The following TJAP1 variants were observed in gnomAD, a reference collection of about 807,000 sequenced individuals.
TJAP1 encodes tight junction associated protein 1, also known as tight junction-associated protein 1.
Under a neutral mutation model 42.0 loss-of-function variants are expected in TJAP1, and 27 were observed. That is an observed-to-expected ratio of 0.64 (90% CI 0.47 to 0.89). The LOEUF (loss-of-function observed/expected upper bound fraction) is 0.89. TJAP1 is among the 40% of genes least tolerant of loss of function. The pLI, the probability that TJAP1 is intolerant of heterozygous loss-of-function variation, is 0.00. For missense variants in TJAP1, 712 were observed against 726.9 expected (o/e 0.98, Z 0.24); for synonymous variants, 257 against 288.4 (o/e 0.89, Z 1.10).
rs781753141 is a variant in TJAP1, at chr6:43,501,488, C to T, written c.129-38C>T. 3.1e-6 allele frequency: 5 copies of T among 1,591,174 alleles called. No individual in the cohort carries two copies. In the Admixed American group the frequency reaches 8.7e-5, roughly 28 times the overall value. On this transcript the variant is annotated intron_variant, in intron 5 of 10. Coordinates refer to ENST00000372449, the Ensembl canonical transcript of TJAP1. Reference sequence around the variant, plus strand: ...CTCCAGGGCATGCCCTTCTATCTCTCATACCCCTCTGCCCTTGATCCCACA... The same window carrying T: ...CTCCAGGGCATGCCCTTCTATCTCTTATACCCCTCTGCCCTTGATCCCACA...
At position 43,481,699 on chromosome 6, in the gene TJAP1, G is replaced by A. The variant is rs116712856; in HGVS notation, c.-122+3467G>A. ...GTTGTTTGAAGAAGGCCCTGGCAGC[G>A]GTGCTCAGTCTCTCCCTTTAGCCAG... On this transcript the variant is annotated intron_variant, in intron 2 of 10. Transcript: ENST00000372449. Among the ~76,000 whole-genome samples, 742 of 152,212 alleles carry A rather than the reference G, an allele frequency of 4.9e-3. 5 individuals carry two copies. Among genetic ancestry groups the A allele is most frequent in the African/African-American group, 0.016 (673 of 41,512 alleles).
intron 2 of TJAP1, among the ~76,000 whole-genome samples, chr6:43,480,461 A>G (rs1785075424): frequency 6.6e-6 from 1 of 152,350 alleles, no homozygotes; most frequent in Middle Eastern, 3.4e-3. Flanking sequence ...GTGCTTATTG[A>G]GCACATTCTG....
chr6:43,505,061 C>G lies in TJAP1; in HGVS notation c.880C>G (p.Leu294Val), dbSNP rs1170829691. Residue 294 changes from leucine to valine, a missense_variant, in exon 11 of 11, where the codon CTG (leucine) becomes GTG (valine). Physicochemically the swap from Leu to Val is conservative, Grantham distance 32. This residue lies in a region of TJAP1 where 549 missense variants were observed against 528.2 expected (regional missense o/e 1.04). Transcript: ENST00000372449. The surrounding 1 kb of genome is among the most constrained non-coding windows in gnomAD (Gnocchi z 5.5). ...ACAACCCAATGGGGAGTGCCACTCT[C>G]TGGGTACTGCCAGGGGCTCCCCGGA... 2 of 1,614,118 alleles carry G rather than the reference C, an allele frequency of 1.2e-6. No individual in the cohort carries two copies. Among genetic ancestry groups the G allele is most frequent in the Middle Eastern group, 1.6e-4 (1 of 6,062 alleles).
intron 2 of TJAP1, among the ~76,000 whole-genome samples, chr6:43,480,151 G>A (rs1312339422): frequency 6.6e-6 from 1 of 152,190 alleles, no homozygotes; most frequent in Non-Finnish European, 1.5e-5. Context: ...ACATTAATAT[G>A]CTTACTCAGT....
rs150059158 is a variant in TJAP1 at position 43,495,008 on chromosome 6, A to G, written c.-121-2873A>G. On this transcript the variant is annotated intron_variant, in intron 2 of 10. Transcript: ENST00000372449. The surrounding 1 kb of genome is among the most constrained non-coding windows in gnomAD (Gnocchi z 4.6). ...GCTTGCTCATCATGGGCCATGGCCC[A>G]TTCTGAGCTGTCCAGCTGCTCTCCT... 9.8e-4 allele frequency among the ~76,000 whole-genome samples: 149 copies of G among 152,302 alleles called. 2 individuals are homozygous for G. The East Asian group carries it at 0.023, about 24-fold the overall frequency.
intron 2 of TJAP1, among the ~76,000 whole-genome samples, chr6:43,487,757 T>C (rs1317489719): frequency 6.6e-6 from 1 of 152,108 alleles, no homozygotes. Flanking sequence ...CAGAAAAGTA[T>C]ACAAAATAAA....
In TJAP1 at chr6:43,504,695, C is replaced by T. The variant is rs1053496394; in HGVS notation, c.580-66C>T. 65 of 1,561,960 alleles carry T rather than the reference C, an allele frequency of 4.2e-5. No homozygotes were observed. The Middle Eastern group carries it at 5.2e-4, about 12-fold the overall frequency. ...ACTTAAAGGTGGGAGCCATTACTTT[C>T]GCCATGAGTCAAGTTATCTTTGGCT... On this transcript the variant is annotated intron_variant, in intron 10 of 10. Transcript: ENST00000372449.
At chr6:43,498,940 C>T (rs1562268582) in intron 3 of TJAP1, 38 bp from the exon 4 acceptor site, 1 of 1,599,074 alleles carries the variant, frequency 6.3e-7, no homozygotes, top group Non-Finnish European at 8.5e-7. Context: ...TCCTTCTGGC[C>T]ACATCTCTGA....
At chr6:43,494,099 A>G (rs997313575) in intron 2 of TJAP1, among the ~76,000 whole-genome samples, 3 of 152,168 alleles carry the variant, frequency 2.0e-5, no homozygotes, top group African/African-American at 7.2e-5. Flanking sequence ...AAGGCAGCTA[A>G]TCATGCCCCA....
At chr6:43,501,785 GTC>G (rs1454168070) in intron 6 of TJAP1, 98 bp downstream of exon 6, 6 of 604,116 alleles carry the variant, frequency 9.9e-6, no homozygotes, top group South Asian at 1.7e-5. Context: ...CTCTCTCTGT[GTC>G]TCTGTCTCTC....
At chr6:43,482,995 AC>A (rs1785621915) in intron 2 of TJAP1, among the ~76,000 whole-genome samples, 1 of 152,102 alleles carries the variant, frequency 6.6e-6, no homozygotes, top group South Asian at 2.1e-4. Flanking sequence ...GGTGGTGCGT[AC>A]CTGCAATCCC....
intron 3 of TJAP1, 39 bp from the exon 4 acceptor site, chr6:43,498,939 C>T (rs1789868124): frequency 6.3e-7 from 1 of 1,597,512 alleles, no homozygotes; most frequent in East Asian, 2.2e-5. Flanking sequence ...GTCCTTCTGG[C>T]CACATCTCTG....
chr6:43,504,080 T>C (rs1458982321), intron 10 of TJAP1: 2 of 404,844 alleles, frequency 4.9e-6, no homozygotes, highest in African/African-American at 4.1e-5. Flanking sequence ...CCAAGGTTTA[T>C]GTGGCCTGCA....
chr6:43,499,858 G>T (rs1476300024), intron 4 of TJAP1, among the ~76,000 whole-genome samples: 2 of 152,232 alleles, frequency 1.3e-5, no homozygotes, highest in African/African-American at 4.8e-5. Flanking sequence ...GCTCATTTCA[G>T]TTCAGGGAAC....
chr6:43,494,793 G>A (rs1240838489), intron 2 of TJAP1, among the ~76,000 whole-genome samples: 2 of 151,936 alleles, frequency 1.3e-5, no homozygotes, highest in Non-Finnish European at 2.9e-5. Flanking sequence ...GGCAGCTCTC[G>A]AACTCCTGAC....
chr6:43,498,839 G>A (rs1789844553), intron 3 of TJAP1, 139 bp from the exon 4 acceptor site: 4 of 845,486 alleles, frequency 4.7e-6, no homozygotes, highest in East Asian at 2.9e-5. Flanking sequence ...TGCCCCTCTA[G>A]TGACTCCAGT....
In TJAP1 at chr6:43,502,236, G is replaced by A. The variant is rs1791081410; in HGVS notation, c.291-47G>A. 3.1e-6 allele frequency: 5 copies of A among 1,599,966 alleles called. No individual in the cohort carries two copies. In the Admixed American group the frequency reaches 6.7e-5, roughly 21 times the overall value. ...TCGGGGAGGCTGAACAGAGCCTGAA[G>A]AACAGGATCTTGACCCAGGGATGTG... On this transcript the variant is annotated intron_variant, in intron 6 of 10. Coordinates refer to ENST00000372449, the Ensembl canonical transcript of TJAP1.
chr6:43,503,363 A>G lies in TJAP1; in HGVS notation c.388-38A>G, dbSNP rs573527932. 347 of 1,526,074 alleles carry G rather than the reference A, an allele frequency of 2.3e-4. 1 individual carries two copies. The South Asian group carries it at 3.7e-3, about 16-fold the overall frequency. The allele number at this position is 1,526,074 out of a possible 1,614,324, so 94.5% of individuals were successfully genotyped here. A position where few individuals can be genotyped will look rare whatever the true frequency, so the allele number is the denominator to read the frequency against. On this transcript the variant is annotated intron_variant, in intron 8 of 10. Coordinates refer to ENST00000372449, the Ensembl canonical transcript of TJAP1. The stretch of plus-strand genomic sequence containing the variant: ...GGTGGAGGGAGAGGAAGGGCTGGCT[A>G]GAGTGTGGGCTGGGTTAACCTCAAG...
intron 2 of TJAP1, among the ~76,000 whole-genome samples, chr6:43,480,279 A>T (rs1785031969): frequency 6.6e-6 from 1 of 152,196 alleles, no homozygotes; most frequent in African/African-American, 2.4e-5. Flanking sequence ...TGCTAGCCTG[A>T]TGTTAAAGAG....
Sources: gnomAD v4.1 joint callset for allele counts (sites outside exome capture counted in the v4.1 genomes callset) on GRCh38, gnomAD v4.1.1 for gene constraint, gnomAD v4.1.1 regional missense constraint, Gnocchi (gnomAD v3.1) non-coding constraint, MANE v1.5 for transcripts, NCBI Gene and HGNC (gene_info 2026-07-23, HGNC 2026-07-21) for gene names.